The following GALNT13 variants were observed in gnomAD, a reference collection of about 807,000 sequenced individuals.
The protein encoded by GALNT13 is polypeptide N-acetylgalactosaminyltransferase 13.
A neutral mutation model predicts 64.2 loss-of-function variants in GALNT13; 28 were observed. The ratio of observed to expected loss-of-function variants is 0.44; its 90% CI spans 0.32 to 0.60. The LOEUF is 0.60. Among genes scored for constraint, GALNT13 ranks in the 20% least tolerant of loss-of-function variants. The probability of loss-of-function intolerance (pLI) is 0.05; values close to 1 mark genes in which losing one functional copy is unlikely to be tolerated. For missense variants in GALNT13, 577 were observed against 669.8 expected (o/e 0.86, Z 1.53); for synonymous variants, 214 against 224.6 (o/e 0.95, Z 0.42).
chr2:154,449,479 GC>G (rs202152863), intron 12 of GALNT13, among the ~76,000 whole-genome samples: 9,462 of 117,986 alleles, frequency 0.08, 351 homozygotes, highest in Middle Eastern at 0.12. Context: ...TTGGTAATTT[GC>G]AAAAAAAAAA....
At chr2:153,818,402 C>T in the GALNT13 span, among the ~76,000 whole-genome samples, 22 of 152,170 alleles carry the variant, frequency 1.4e-4, no homozygotes, top group African/African-American at 5.3e-4. Context: ...CGCTGTTTCT[C>T]ACCAGGCAAG....
chr2:154,121,274 G>A (rs1033856723), intron 3 of GALNT13, among the ~76,000 whole-genome samples: 2 of 152,124 alleles, frequency 1.3e-5, no homozygotes, highest in African/African-American at 4.8e-5. Context: ...GTTGGGGGTG[G>A]GGAAGTGGAA....
intron 10 of GALNT13, among the ~76,000 whole-genome samples, chr2:154,399,259 A>G (rs1157145574): frequency 6.6e-6 from 1 of 152,158 alleles, no homozygotes; most frequent in African/African-American, 2.4e-5. Flanking sequence ...TCTATTTAAT[A>G]AAAATAAAAA....
chr2:153,869,076 A>C (rs969006077), upstream of GALNT13, among the ~76,000 whole-genome samples: 2 of 152,180 alleles, frequency 1.3e-5, no homozygotes, highest in Non-Finnish European at 2.9e-5. Context: ...AAAGGTTGCC[A>C]CATTTGCATC....
At chr2:153,592,466 T>C in the GALNT13 span, among the ~76,000 whole-genome samples, 1 of 152,180 alleles carries the variant, frequency 6.6e-6, no homozygotes, top group Non-Finnish European at 1.5e-5. Flanking sequence ...ATTGTATGAT[T>C]TGATAAAGAA....
At chr2:154,232,257 G>A (rs1036729683) in intron 4 of GALNT13, among the ~76,000 whole-genome samples, 2 of 152,082 alleles carry the variant, frequency 1.3e-5, no homozygotes, top group African/African-American at 4.8e-5. Context: ...TAGTAAATAT[G>A]TAGTAGCACA....
the GALNT13 span, among the ~76,000 whole-genome samples, chr2:153,536,075 G>A: frequency 6.6e-6 from 1 of 152,160 alleles, no homozygotes; most frequent in African/African-American, 2.4e-5. Context: ...CTGCCCTTAG[G>A]AGAAACTTTT....
the GALNT13 span, among the ~76,000 whole-genome samples, chr2:153,122,457 C>G: frequency 2.6e-5 from 4 of 152,294 alleles, no homozygotes; most frequent in East Asian, 5.8e-4. Context: ...TACAGTCATA[C>G]AGCTAATGTG....
chr2:154,087,572 G>A (rs974583528), intron 3 of GALNT13, among the ~76,000 whole-genome samples: 4 of 151,898 alleles, frequency 2.6e-5, no homozygotes, highest in Admixed American at 6.6e-5. Context: ...TAATTGAAAG[G>A]CTTTATTCTT....
At chr2:153,351,033 A>G in the GALNT13 span, among the ~76,000 whole-genome samples, 3 of 152,188 alleles carry the variant, frequency 2.0e-5, no homozygotes, top group Admixed American at 1.3e-4. Flanking sequence ...TTTAAGGAGG[A>G]TAGACTTTAT....
chr2:153,346,516 T>A, the GALNT13 span, among the ~76,000 whole-genome samples: 285 of 152,288 alleles, frequency 1.9e-3, 1 homozygote, highest in African/African-American at 6.5e-3. Context: ...CATTTTATAA[T>A]TTATTTTTTT....
chr2:153,948,020 A>G (rs1178097483), intron 3 of GALNT13, among the ~76,000 whole-genome samples: 1 of 151,888 alleles, frequency 6.6e-6, no homozygotes, highest in Non-Finnish European at 1.5e-5. Flanking sequence ...TGGGTTCTGT[A>G]TTCTGTTCCA....
At chr2:154,297,527 A>T (rs1359073745) in intron 8 of GALNT13, among the ~76,000 whole-genome samples, 5 of 152,168 alleles carry the variant, frequency 3.3e-5, no homozygotes, top group African/African-American at 7.2e-5. Context: ...ACACAGCAAA[A>T]AGATAGTCAT....
the GALNT13 span, among the ~76,000 whole-genome samples, chr2:153,127,256 C>T: frequency 6.6e-6 from 1 of 152,006 alleles, no homozygotes; most frequent in African/African-American, 2.4e-5. Context: ...AGTTCCTGAA[C>T]CTTAGTAATT....
the GALNT13 span, among the ~76,000 whole-genome samples, chr2:153,803,560 C>T: frequency 2.0e-5 from 3 of 151,874 alleles, no homozygotes; most frequent in African/African-American, 4.8e-5. Context: ...GGCGCTGTGG[C>T]GGGCGCCTGT....
intron 9 of GALNT13, among the ~76,000 whole-genome samples, chr2:154,364,773 C>A (rs1171949362): frequency 6.6e-6 from 1 of 152,138 alleles, no homozygotes; most frequent in Non-Finnish European, 1.5e-5. Context: ...CGAGTTCAAG[C>A]GATTCCCTTG....
At chr2:153,257,878 T>C in the GALNT13 span, among the ~76,000 whole-genome samples, 1 of 152,308 alleles carries the variant, frequency 6.6e-6, no homozygotes, top group East Asian at 1.9e-4. Flanking sequence ...GTGCTTTCTT[T>C]AATGAATCAA....
chr2:153,123,028 C>G, the GALNT13 span, among the ~76,000 whole-genome samples: 1 of 151,890 alleles, frequency 6.6e-6, no homozygotes, highest in Non-Finnish European at 1.5e-5. Context: ...ACAGAAGACC[C>G]AGGGGAGAAT....
At chr2:154,440,920 T>G (rs1701260125) in intron 12 of GALNT13, among the ~76,000 whole-genome samples, 1 of 152,172 alleles carries the variant, frequency 6.6e-6, no homozygotes, top group South Asian at 2.1e-4. Flanking sequence ...ATATAACATT[T>G]ATTACTATGC....
Sources: gnomAD v4.1 joint callset for allele counts (sites outside exome capture counted in the v4.1 genomes callset) on GRCh38, gnomAD v4.1.1 for gene constraint, MANE v1.5 for transcripts, NCBI Gene and HGNC (gene_info 2026-07-23, HGNC 2026-07-21) for gene names.